Variants in ZCCHC14 observed in about 807,000 individuals in gnomAD.
ZCCHC14 encodes the protein zinc finger CCHC domain-containing protein 14.
A neutral mutation model predicts 85.0 loss-of-function variants in ZCCHC14; 16 were observed. The ratio of observed to expected loss-of-function variants is 0.19; its 90% CI spans 0.13 to 0.29. The LOEUF (loss-of-function observed/expected upper bound fraction) is 0.29, where lower values mean the gene tolerates loss of function less well. Ranked by LOEUF, ZCCHC14 falls within the 10% of genes least tolerant of loss-of-function variation. The probability of loss-of-function intolerance (pLI) is 1.00; values close to 1 mark genes in which losing one functional copy is unlikely to be tolerated. For synonymous variants in ZCCHC14, 775 were observed against 630.7 expected (o/e 1.23, Z -3.43); for missense variants, 1,303 against 1,443.5 (o/e 0.90, Z 1.58).
Position 87,491,764 on chromosome 16 carries a change from G to A in ZCCHC14, c.475C>T (p.Gln159Ter), listed in dbSNP as rs775479822. 1 of 1,587,528 alleles carries A rather than the reference G, an allele frequency of 6.3e-7. No homozygotes were observed. The highest frequency in any genetic ancestry group is 2.4e-5 in the East Asian group (1 of 41,882). ...CCGCCGTTCAGGCTGCTCTGGATCT[G>A]CGTGAGCTCCTGGCGCAGCACCTGC... ...QKQVLRQELT[Q>*]IQSSLNGGGG... The change falls in exon 1 of 13, where the codon CAG becomes TAG. Residue 159 changes from glutamine (Q) to a stop codon, truncating the protein, a stop_gained. Coordinates refer to ENST00000671377, the MANE Select transcript of ZCCHC14 (RefSeq NM_015144.3). LOFTEE classifies it high-confidence loss of function. This position sits in a 1 kb window ranked among gnomAD's most constrained non-coding sequence, Gnocchi z 5.9.
intron 2 of ZCCHC14, among the ~76,000 whole-genome samples, chr16:87,446,167 CAAAA>C (rs567505964): frequency 1.8e-5 from 1 of 54,168 alleles, no homozygotes. Context: ...AACTCCGTCT[CAAAA>C]AAAAAAAAAA....
At chr16:87,480,851 G>A (rs764838077) in intron 1 of ZCCHC14, among the ~76,000 whole-genome samples, 34 of 152,150 alleles carry the variant, frequency 2.2e-4, no homozygotes, top group Non-Finnish European at 3.7e-4. Flanking sequence ...ACAGGTAACC[G>A]GTGTCCAGTC....
chr16:87,413,845 T>A (rs947291220), intron 10 of ZCCHC14, among the ~76,000 whole-genome samples: 7 of 152,118 alleles, frequency 4.6e-5, no homozygotes, highest in Admixed American at 3.9e-4. Context: ...GCTACTCCCA[T>A]CTCATTTCTG....
rs1912764262 is a variant in ZCCHC14, at chr16:87,491,456, G to A, written c.570+213C>T. ...GGATGTACGGTGGAGGCTTGGAGAG[G>A]TGGGGCACACATTTGGGGTGCGACA... is the stretch of plus-strand genomic sequence containing the variant. On this transcript the variant is annotated intron_variant, in intron 1 of 12. Transcript: ENST00000671377. This position sits in a 1 kb window ranked among gnomAD's most constrained non-coding sequence, Gnocchi z 5.9. Among the ~76,000 whole-genome samples, 1 of 151,922 alleles carries A rather than the reference G, an allele frequency of 6.6e-6. No individual in the cohort carries two copies. Among genetic ancestry groups the A allele is most frequent in the Non-Finnish European group, 1.5e-5 (1 of 67,950 alleles).
At chr16:87,452,045 G>A (rs902079553) in intron 2 of ZCCHC14, among the ~76,000 whole-genome samples, 5 of 152,236 alleles carry the variant, frequency 3.3e-5, no homozygotes, top group Non-Finnish European at 5.9e-5. Context: ...CGGACAAGCC[G>A]TAAGCAGGGG....
At chr16:87,430,082 T>C (rs1909574822) in intron 3 of ZCCHC14, among the ~76,000 whole-genome samples, 1 of 152,200 alleles carries the variant, frequency 6.6e-6, no homozygotes, top group African/African-American at 2.4e-5. Context: ...AATTCATCGA[T>C]GTTGTCTTTT....
At chr16:87,454,651 G>T (rs941043142) in intron 2 of ZCCHC14, among the ~76,000 whole-genome samples, 3 of 152,234 alleles carry the variant, frequency 2.0e-5, no homozygotes, top group Non-Finnish European at 4.4e-5. Flanking sequence ...AATGAGACCA[G>T]ATGGAAATTC....
At chr16:87,479,225 G>A (rs1318518112) in intron 1 of ZCCHC14, among the ~76,000 whole-genome samples, 1 of 151,882 alleles carries the variant, frequency 6.6e-6, no homozygotes, top group Non-Finnish European at 1.5e-5. Context: ...AAGACAACCT[G>A]ACCAACATAG....
intron 1 of ZCCHC14, among the ~76,000 whole-genome samples, chr16:87,490,966 C>T (rs1328310346): frequency 6.6e-6 from 1 of 152,268 alleles, no homozygotes; most frequent in Non-Finnish European, 1.5e-5. Context: ...GGGAGCGGCT[C>T]AGACGGGGAA....
chr16:87,446,483 C>A (rs1199230685), intron 2 of ZCCHC14, among the ~76,000 whole-genome samples: 22 of 144,342 alleles, frequency 1.5e-4, no homozygotes, highest in Non-Finnish European at 2.1e-4. Context: ...GACTCCATCT[C>A]AAAAAAAAAA....
chr16:87,414,148 CCCGGCACACGGGCCCTCTCTGTGTACGA>C (rs1908642139), intron 10 of ZCCHC14, among the ~76,000 whole-genome samples: 1 of 151,058 alleles, frequency 6.6e-6, no homozygotes, highest in East Asian at 2.0e-4. Flanking sequence ...AACCCACCTG[CCCGGCACACGGGCCCTCTCTGTGTACGA>C]GTAACCCACC....
Position 87,417,748 on chromosome 16 carries a change from G to T in ZCCHC14, c.1101-6C>A. ...CAGCCACTCCACACACAGGCCTGTG[G>T]GACAGGGGCAGGAGGGACACAGAGA... On this transcript the variant is annotated splice_polypyrimidine_tract_variant and splice_region_variant and intron_variant, in intron 7 of 12. Coordinates refer to ENST00000671377, the MANE Select transcript of ZCCHC14 (RefSeq NM_015144.3). 1.3e-6 allele frequency: 2 copies of T among 1,579,674 alleles called. No individual in the cohort carries two copies. Among genetic ancestry groups the T allele is most frequent in the Non-Finnish European group, 1.7e-6 (2 of 1,165,156 alleles).
At chr16:87,460,171 G>C in intron 1 of ZCCHC14, 40 bp from the exon 2 acceptor site, 1 of 1,595,052 alleles carries the variant, frequency 6.3e-7, no homozygotes, top group Admixed American at 1.8e-5. Flanking sequence ...TTTCTCCCAC[G>C]GAGTTAATAG....
At chr16:87,449,333 G>A (rs1317680112) in intron 2 of ZCCHC14, among the ~76,000 whole-genome samples, 2 of 152,118 alleles carry the variant, frequency 1.3e-5, no homozygotes, top group African/African-American at 4.8e-5. Flanking sequence ...CTAAAACTCT[G>A]AAGAGAAGTA....
chr16:87,465,266 G>C (rs1053498367), intron 1 of ZCCHC14, among the ~76,000 whole-genome samples: 4 of 152,214 alleles, frequency 2.6e-5, no homozygotes, highest in African/African-American at 9.7e-5. Context: ...CTTCGAACTG[G>C]GCCTGGCATG....
rs1908534226 is a variant in ZCCHC14 at position 87,412,691 on chromosome 16, T to C, written c.2030A>G (p.Asn677Ser). 1.9e-6 allele frequency: 3 copies of C among 1,614,136 alleles called. No individual in the cohort carries two copies. The highest frequency in any genetic ancestry group is 1.3e-5 in the African/African-American group (1 of 74,944). ...VHSLLSLEERNKGSGPRSSMK... is the reference protein window; with the variant it reads ...VHSLLSLEERSKGSGPRSSMK... Reference sequence around the variant, plus strand: ...GCTGCTTCTTGGTCCAGATCCTTTATTCCTTTCTTCTAGAGACAAAAGTGA... The same window carrying C: ...GCTGCTTCTTGGTCCAGATCCTTTACTCCTTTCTTCTAGAGACAAAAGTGA... Residue 677 changes from asparagine to serine, a missense_variant, in exon 12 of 13, where the codon AAT (asparagine) becomes AGT (serine). Coordinates refer to ENST00000671377, the MANE Select transcript of ZCCHC14 (RefSeq NM_015144.3).
chr16:87,481,552 G>GGGGGGGGGGGGGGGGGGGGGA (rs1567544383), intron 1 of ZCCHC14, among the ~76,000 whole-genome samples: 1 of 31,166 alleles, frequency 3.2e-5, no homozygotes, highest in Non-Finnish European at 7.0e-5. Flanking sequence ...TGGGGGGGGG[G>GGGGGGGGGGGGGGGGGGGGGA]AAGGGTAAGC....
intron 3 of ZCCHC14, among the ~76,000 whole-genome samples, chr16:87,427,072 C>T (rs964185075): frequency 2.0e-5 from 3 of 152,236 alleles, no homozygotes; most frequent in African/African-American, 7.2e-5. Context: ...GAGCAGCTTT[C>T]TAAGTCCTTG....
chr16:87,421,045 G>A (rs1317280305), intron 4 of ZCCHC14, among the ~76,000 whole-genome samples: 1 of 152,348 alleles, frequency 6.6e-6, no homozygotes, highest in South Asian at 2.1e-4. Context: ...AGGGCACAAG[G>A]CCCTGGTGGC....
Sources: gnomAD v4.1 joint callset for allele counts (sites outside exome capture counted in the v4.1 genomes callset) on GRCh38, gnomAD v4.1.1 for gene constraint, Gnocchi (gnomAD v3.1) non-coding constraint, MANE v1.5 for transcripts, NCBI Gene and HGNC (gene_info 2026-07-23, HGNC 2026-07-21) for gene names.